PLPP4: variants seen among roughly 807,000 people sequenced by gnomAD.
The protein encoded by PLPP4 is phospholipid phosphatase 4.
A neutral mutation model predicts 32.2 loss-of-function variants in PLPP4; 20 were observed. The observed-to-expected ratio is 0.62, with a 90% confidence interval of 0.44 to 0.90. The LOEUF (loss-of-function observed/expected upper bound fraction) is 0.90. PLPP4 is among the 40% of genes least tolerant of loss of function. PLPP4 has a pLI of 0.00. For missense variants in PLPP4, 257 were observed against 353.1 expected, an observed-to-expected ratio of 0.73 and a Z score of 2.18; for synonymous variants, 127 against 133.0, an observed-to-expected ratio of 0.95 and a Z score of 0.31.
intron 2 of PLPP4, among the ~76,000 whole-genome samples, chr10:120,507,708 G>A (rs1249789348): frequency 1.3e-5 from 2 of 152,140 alleles, no homozygotes; most frequent in African/African-American, 4.8e-5. Flanking sequence ...AGCCTGTGTG[G>A]GTCCTGTCAA....
chr10:120,561,149 A>G (rs560297007), intron 5 of PLPP4, among the ~76,000 whole-genome samples: 2 of 152,320 alleles, frequency 1.3e-5, no homozygotes, highest in East Asian at 1.9e-4. Context: ...CTTATTATGT[A>G]TTTGGATGAA....
chr10:120,581,773 A>C (rs1307921181), intron 6 of PLPP4, among the ~76,000 whole-genome samples: 1 of 150,632 alleles, frequency 6.6e-6, no homozygotes, highest in African/African-American at 2.5e-5. Flanking sequence ...TGCCCACTCC[A>C]CTTGAATTGC....
intron 5 of PLPP4, among the ~76,000 whole-genome samples, chr10:120,526,975 A>G (rs1432332913): frequency 6.6e-6 from 1 of 152,000 alleles, no homozygotes; most frequent in Admixed American, 6.5e-5. Flanking sequence ...CCTGCTTCCC[A>G]TCTTCATAGA....
intron 5 of PLPP4, among the ~76,000 whole-genome samples, chr10:120,522,693 T>TG (rs1382251975): frequency 1.3e-5 from 2 of 152,166 alleles, no homozygotes; most frequent in African/African-American, 4.8e-5. Context: ...GAACCTTATT[T>TG]GGAAAAAGTG....
intron 1 of PLPP4, among the ~76,000 whole-genome samples, chr10:120,472,397 AAT>A (rs1848556829): frequency 6.6e-6 from 1 of 152,086 alleles, no homozygotes; most frequent in African/African-American, 2.4e-5. Context: ...CAACACTTTA[AAT>A]ATGTCTTTGC....
At chr10:120,560,023 G>A (rs1023595031) in intron 5 of PLPP4, among the ~76,000 whole-genome samples, 1 of 152,158 alleles carries the variant, frequency 6.6e-6, no homozygotes, top group African/African-American at 2.4e-5. Flanking sequence ...AACACCGTGT[G>A]GCGCTGATCA....
At position 120,590,059 on chromosome 10, in the gene PLPP4, T is replaced by G. The variant is rs1270743844; in HGVS notation, c.*557T>G. On this transcript the variant is annotated 3_prime_UTR_variant, in exon 7 of 7. Coordinates refer to ENST00000398250, the MANE Select transcript of PLPP4 (RefSeq NM_001030059.3). ...ACAGCTTGAGCATTTCCAGGGCTTT[T>G]GAATCATTGAATCTGGAAGCAAATA... 1.3e-5 allele frequency among the ~76,000 whole-genome samples: 2 copies of G among 152,316 alleles called. No individual in the cohort carries two copies. The highest frequency in any genetic ancestry group is 3.9e-4 in the East Asian group (2 of 5,178).
At position 120,527,685 on chromosome 10, in the gene PLPP4, G is replaced by A. The variant is rs183926412; in HGVS notation, c.445+6590G>A. Reference sequence around the variant, plus strand: ...TTCGTTGTAGAGGAATCATTTTTTAGAGAGTTCTTGCTTTGCCTCAGTGTT... The same window carrying A: ...TTCGTTGTAGAGGAATCATTTTTTAAAGAGTTCTTGCTTTGCCTCAGTGTT... On this transcript the variant is annotated intron_variant, in intron 5 of 6. Coordinates refer to ENST00000398250, the MANE Select transcript of PLPP4 (RefSeq NM_001030059.3). Among the ~76,000 whole-genome samples the A allele has an allele frequency of 2.6e-5, 4 of 152,256 alleles. No individual in the cohort carries two copies. The East Asian group carries it at 7.7e-4, about 29-fold the overall frequency.
chr10:120,565,905 T>A (rs760186622), intron 5 of PLPP4, among the ~76,000 whole-genome samples: 1 of 152,188 alleles, frequency 6.6e-6, no homozygotes, highest in African/African-American at 2.4e-5. Context: ...ACATTCTGGA[T>A]AAAATTTGAA....
At chr10:120,546,616 C>T (rs1847635266) in intron 5 of PLPP4, among the ~76,000 whole-genome samples, 2 of 152,154 alleles carry the variant, frequency 1.3e-5, no homozygotes, top group African/African-American at 4.8e-5. Flanking sequence ...CAGTCCTTGC[C>T]CTGGTCTGTG....
intron 3 of PLPP4, 48 bp from the exon 4 acceptor site, chr10:120,518,785 T>C (rs773049715): frequency 6.7e-7 from 1 of 1,495,744 alleles, no homozygotes; most frequent in East Asian, 2.3e-5. Context: ...ATGATTTTGA[T>C]TTAAGAGCCA....
intron 1 of PLPP4, among the ~76,000 whole-genome samples, chr10:120,468,353 T>C (rs1848395088): frequency 1.5e-5 from 1 of 65,518 alleles, no homozygotes; most frequent in African/African-American, 3.2e-5. Context: ...GTTAGTTCTA[T>C]AGTAGGTAGT....
chr10:120,540,046 T>G (rs568960600), intron 5 of PLPP4, among the ~76,000 whole-genome samples: 16 of 151,672 alleles, frequency 1.1e-4, no homozygotes, highest in African/African-American at 3.9e-4. Flanking sequence ...TAATATGGTC[T>G]TTTGGTCAAA....
intron 5 of PLPP4, among the ~76,000 whole-genome samples, chr10:120,535,406 A>G (rs958956471): frequency 1.3e-5 from 2 of 152,088 alleles, no homozygotes; most frequent in Non-Finnish European, 2.9e-5. Flanking sequence ...TGGATGTTCT[A>G]TGCACACCTG....
At chr10:120,488,586 G>T (rs1303600654) in intron 1 of PLPP4, among the ~76,000 whole-genome samples, 2 of 152,194 alleles carry the variant, frequency 1.3e-5, no homozygotes, top group Non-Finnish European at 2.9e-5. Flanking sequence ...AGGGCAAGAG[G>T]CTCCTACAGT....
intron 5 of PLPP4, among the ~76,000 whole-genome samples, chr10:120,525,937 A>C (rs1846369814): frequency 6.6e-6 from 1 of 152,060 alleles, no homozygotes. Context: ...CTAACTCTGT[A>C]GGTCTTTTTA....
intron 5 of PLPP4, among the ~76,000 whole-genome samples, chr10:120,546,041 A>C (rs1847597616): frequency 6.6e-6 from 1 of 152,118 alleles, no homozygotes; most frequent in South Asian, 2.1e-4. Context: ...TCTTGGACTT[A>C]ACCAATGGTT....
intron 2 of PLPP4, among the ~76,000 whole-genome samples, chr10:120,511,902 C>A (rs1012791739): frequency 2.0e-5 from 3 of 152,102 alleles, no homozygotes; most frequent in Non-Finnish European, 4.4e-5. Flanking sequence ...ACCATCCTGG[C>A]TAACACGGTG....
At chr10:120,549,610 A>G (rs1005754330) in intron 5 of PLPP4, among the ~76,000 whole-genome samples, 16 of 152,020 alleles carry the variant, frequency 1.1e-4, no homozygotes, top group Non-Finnish European at 1.5e-4. Context: ...ATAAATGTAG[A>G]TACAGAATTC....
Sources: gnomAD v4.1 joint callset for allele counts (sites outside exome capture counted in the v4.1 genomes callset) on GRCh38, gnomAD v4.1.1 for gene constraint, MANE v1.5 for transcripts, NCBI Gene and HGNC (gene_info 2026-07-23, HGNC 2026-07-21) for gene names.